DNAH9: variants seen among roughly 807,000 people sequenced by gnomAD.
The protein encoded by DNAH9 is DNAH9 variant protein.
In DNAH9, 345 loss-of-function variants were observed where a neutral mutation model predicts 471.6. The ratio of observed to expected loss-of-function variants is 0.73; its 90% CI spans 0.67 to 0.80. DNAH9 has a LOEUF of 0.80. DNAH9 is among the 30% of genes least tolerant of loss of function. The pLI is 0.00. For missense variants in DNAH9, 5,407 were observed against 5,609.2 expected (o/e 0.96, Z 1.15); for synonymous variants, 2,093 against 2,123.6 (o/e 0.99, Z 0.40).
intron 67 of DNAH9, chr17:11,954,068 A>C (rs1424427040): frequency 6.6e-6 from 1 of 152,008 alleles, no homozygotes; most frequent in Non-Finnish European, 1.5e-5. Flanking sequence ...ATAATGAAAA[A>C]ACCAAAAAAA....
rs774249233 is a variant in DNAH9, at chr17:11,699,717, G to A, written c.4873-14G>A. ...ACATGTTTTATGATCCATTGGCCTG[G>A]TTTCCCTTCATAGGTTCAACGTCAC... On this transcript the variant is annotated splice_polypyrimidine_tract_variant and intron_variant, in intron 22 of 68. Coordinates refer to ENST00000262442, the MANE Select transcript of DNAH9 (RefSeq NM_001372.4). 2 of 1,613,676 alleles carry A rather than the reference G, an allele frequency of 1.2e-6. No homozygotes were observed. Among genetic ancestry groups the A allele is most frequent in the South Asian group, 1.1e-5 (1 of 91,058 alleles).
At chr17:11,746,008 T>G (rs2075518055) in intron 31 of DNAH9, among the ~76,000 whole-genome samples, 1 of 152,192 alleles carries the variant, frequency 6.6e-6, no homozygotes, top group East Asian at 1.9e-4. Context: ...GAAAGATAAC[T>G]AGAGCTGGAA....
At chr17:11,795,316 T>C (rs1410704274) in intron 42 of DNAH9, among the ~76,000 whole-genome samples, 1 of 152,200 alleles carries the variant, frequency 6.6e-6, no homozygotes, top group African/African-American at 2.4e-5. Context: ...ATGAGCCTTC[T>C]ATTAACCAAA....
intron 14 of DNAH9, among the ~76,000 whole-genome samples, chr17:11,654,577 G>T (rs1329541473): frequency 2.6e-5 from 4 of 151,696 alleles, no homozygotes; most frequent in Admixed American, 2.6e-4. Context: ...TTATCCAGGG[G>T]TCAACCAGGA....
intron 4 of DNAH9, 143 bp downstream of exon 4, chr17:11,611,923 A>G: frequency 1.3e-6 from 1 of 764,818 alleles, no homozygotes; most frequent in Non-Finnish European, 2.3e-6. Flanking sequence ...TGGCAAGAAT[A>G]CCACATCTAG....
intron 18 of DNAH9, 127 bp from the exon 19 acceptor site, chr17:11,680,596 A>G (rs2074117383): frequency 5.4e-6 from 4 of 746,268 alleles, no homozygotes; most frequent in Non-Finnish European, 8.8e-6. Flanking sequence ...GAATGGGAAG[A>G]TGACACCACC....
intron 43 of DNAH9, among the ~76,000 whole-genome samples, chr17:11,805,149 C>A (rs1281343205): frequency 6.6e-6 from 1 of 152,040 alleles, no homozygotes. Context: ...AGCAAGCGCA[C>A]CCCACAGGAG....
chr17:11,702,548 G>A (rs780432779), intron 24 of DNAH9, among the ~76,000 whole-genome samples: 2 of 152,192 alleles, frequency 1.3e-5, no homozygotes, highest in Non-Finnish European at 2.9e-5. Context: ...GGAGGAGGAA[G>A]GAGGAACCAG....
intron 41 of DNAH9, 97 bp downstream of exon 41, chr17:11,784,636 C>A: frequency 6.5e-7 from 1 of 1,538,088 alleles, no homozygotes; most frequent in Non-Finnish European, 8.9e-7. Context: ...AGCTCATAGG[C>A]ACAGGCAAAG....
chr17:11,823,062 G>C, intron 48 of DNAH9, 28 bp downstream of exon 48: 1 of 1,579,860 alleles, frequency 6.3e-7, no homozygotes, highest in South Asian at 1.1e-5. Context: ...CCTTCCACCT[G>C]CAGGGGACTT....
At chr17:11,823,155 TC>T in intron 48 of DNAH9, 121 bp downstream of exon 48, 1 of 806,894 alleles carries the variant, frequency 1.2e-6, no homozygotes, top group Non-Finnish European at 1.9e-6. Context: ...TTCCAGAGAC[TC>T]CCATGTCATC....
intron 33 of DNAH9, among the ~76,000 whole-genome samples, chr17:11,755,081 G>A (rs145056972): frequency 6.6e-6 from 1 of 152,154 alleles, no homozygotes; most frequent in Admixed American, 6.6e-5. Context: ...TGTTAAATAG[G>A]CTTCCCCAAA....
chr17:11,873,407 T>A (rs1371550789), intron 52 of DNAH9: 1 of 152,216 alleles, frequency 6.6e-6, no homozygotes, highest in Non-Finnish European at 1.5e-5. Context: ...GGAACACAAT[T>A]CTGGTCCCAG....
At chr17:11,702,438 G>A (rs1410395753) in intron 24 of DNAH9, among the ~76,000 whole-genome samples, 1 of 152,176 alleles carries the variant, frequency 6.6e-6, no homozygotes, top group African/African-American at 2.4e-5. Context: ...CAGACATTTA[G>A]TAGTCATCAA....
Position 11,754,197 on chromosome 17 carries a change from T to C in DNAH9, c.6738+1237T>C, listed in dbSNP as rs528463080. ...GCTGCATAGTATTCCATGGTGTGTA[T>C]GTACCACATTTTCTTTATCCAGTCT... On this transcript the variant is annotated intron_variant, in intron 33 of 68. Coordinates refer to ENST00000262442, the MANE Select transcript of DNAH9 (RefSeq NM_001372.4). Among the ~76,000 whole-genome samples, 21 of 152,232 alleles carry C rather than the reference T, an allele frequency of 1.4e-4. No homozygotes were observed. In the South Asian group the frequency reaches 4.3e-3, roughly 32 times the overall value.
chr17:11,634,441 G>A (rs1158207530), intron 8 of DNAH9, among the ~76,000 whole-genome samples: 1 of 152,164 alleles, frequency 6.6e-6, no homozygotes, highest in East Asian at 1.9e-4. Flanking sequence ...TGGCCCCTCA[G>A]TGGACATGAA....
intron 26 of DNAH9, among the ~76,000 whole-genome samples, chr17:11,715,902 CAGG>C (rs547495282): frequency 2.1e-3 from 318 of 152,082 alleles, no homozygotes; most frequent in Non-Finnish European, 3.3e-3. Flanking sequence ...CACTCGCAAG[CAGG>C]AGCACATCAG....
At chr17:11,775,880 C>T (rs142898988) in intron 38 of DNAH9, among the ~76,000 whole-genome samples, 2 of 152,276 alleles carry the variant, frequency 1.3e-5, no homozygotes, top group African/African-American at 4.8e-5. Flanking sequence ...GCGTGAGCCA[C>T]CGCGCCGGGC....
chr17:11,719,420 C>G lies in DNAH9; in HGVS notation c.5639C>G (p.Thr1880Ser). The change falls in exon 27 of 69, where the codon ACC becomes AGC. Residue 1880 changes from threonine to serine, a missense_variant. Physicochemically the swap from Thr to Ser is moderately conservative, Grantham distance 58. Coordinates refer to ENST00000262442, the MANE Select transcript of DNAH9 (RefSeq NM_001372.4). The stretch of plus-strand genomic sequence containing the variant: ...GCAGGCACAGGCAAGACCGAGACCA[C>G]CAAGGACCTGGGCCGCGCACTGGGC... ...GPAGTGKTET[T>S]KDLGRALGIL... The G allele has an allele frequency of 1.9e-6, 3 of 1,613,996 alleles. No individual in the cohort carries two copies. The highest frequency in any genetic ancestry group is 2.5e-6 in the Non-Finnish European group (3 of 1,179,994).
Sources: allele counts gnomAD v4.1 joint callset (sites outside exome capture counted in the v4.1 genomes callset), GRCh38; gene constraint gnomAD v4.1.1; transcripts MANE v1.5; gene names NCBI Gene and HGNC (gene_info 2026-07-23, HGNC 2026-07-21).